CFAP95: variants seen among roughly 807,000 people sequenced by gnomAD.
The protein encoded by CFAP95 is cilia and flagella associated protein 95.
the CFAP95 span, among the ~76,000 whole-genome samples, chr9:69,836,649 T>C: frequency 6.6e-6 from 1 of 150,562 alleles, no homozygotes; most frequent in Non-Finnish European, 1.5e-5. Context: ...CAAATTCCTA[T>C]GAGGGTAAAG....
the CFAP95 span, among the ~76,000 whole-genome samples, chr9:69,904,393 A>T: frequency 1.3e-5 from 2 of 152,250 alleles, no homozygotes; most frequent in Non-Finnish European, 2.9e-5. Flanking sequence ...TTGACAAATA[A>T]TATTTTATTG....
the CFAP95 span, among the ~76,000 whole-genome samples, chr9:69,891,843 A>G: frequency 6.6e-6 from 1 of 152,160 alleles, no homozygotes; most frequent in African/African-American, 2.4e-5. Flanking sequence ...TGAAATTATT[A>G]CTAACATACC....
chr9:69,885,742 T>C, the CFAP95 span, among the ~76,000 whole-genome samples: 2 of 152,102 alleles, frequency 1.3e-5, no homozygotes, highest in African/African-American at 2.4e-5. Context: ...TCTTCAGCGG[T>C]CACCTGGCAA....
the CFAP95 span, among the ~76,000 whole-genome samples, chr9:69,897,946 T>C: frequency 6.6e-6 from 1 of 152,178 alleles, no homozygotes; most frequent in Admixed American, 6.5e-5. Flanking sequence ...AGAAGAATGC[T>C]TTCTTAACCA....
At chr9:69,871,057 A>G in the CFAP95 span, among the ~76,000 whole-genome samples, 1 of 152,022 alleles carries the variant, frequency 6.6e-6, no homozygotes, top group Non-Finnish European at 1.5e-5. Flanking sequence ...TGTCTTTACT[A>G]AAAATACAAA....
chr9:69,834,485 T>C, the CFAP95 span, among the ~76,000 whole-genome samples: 1 of 152,334 alleles, frequency 6.6e-6, no homozygotes, highest in East Asian at 1.9e-4. Flanking sequence ...TTTATACATG[T>C]CCCTTCAGCT....
the CFAP95 span, among the ~76,000 whole-genome samples, chr9:69,844,332 T>G: frequency 6.6e-6 from 1 of 152,218 alleles, no homozygotes; most frequent in African/African-American, 2.4e-5. Flanking sequence ...GCTAGGTTGC[T>G]TTTAGGAATT....
At chr9:69,888,522 A>G in the CFAP95 span, among the ~76,000 whole-genome samples, 1 of 152,214 alleles carries the variant, frequency 6.6e-6, no homozygotes, top group Non-Finnish European at 1.5e-5. Context: ...AATACTAAAC[A>G]ATATGAATTA....
the CFAP95 span, among the ~76,000 whole-genome samples, chr9:69,869,115 A>G: frequency 6.6e-6 from 1 of 152,216 alleles, no homozygotes; most frequent in South Asian, 2.1e-4. Flanking sequence ...AAATAGAACT[A>G]CAATATGATT....
chr9:69,884,671 A>G, the CFAP95 span: 2 of 137,780 alleles, frequency 1.5e-5, no homozygotes, highest in South Asian at 4.8e-4. Context: ...TTTTTTTTTT[A>G]AATACAGTTT....
chr9:69,824,444 G>T, the CFAP95 span, among the ~76,000 whole-genome samples: 3 of 152,030 alleles, frequency 2.0e-5, no homozygotes, highest in Non-Finnish European at 4.4e-5. Context: ...AAAAAAATTT[G>T]AGTTGCCCTA....
chr9:69,852,817 G>A, the CFAP95 span, among the ~76,000 whole-genome samples: 1 of 152,166 alleles, frequency 6.6e-6, no homozygotes, highest in Admixed American at 6.5e-5. Context: ...TGCTGTTCTT[G>A]TAATAGTGCA....
At chr9:69,827,752 C>T in the CFAP95 span, among the ~76,000 whole-genome samples, 146 of 152,278 alleles carry the variant, frequency 9.6e-4, no homozygotes, top group Non-Finnish European at 1.0e-3. Context: ...CGGTCCCACT[C>T]GGTCTCTTGC....
At chr9:69,836,629 A>T in the CFAP95 span, among the ~76,000 whole-genome samples, 1 of 151,860 alleles carries the variant, frequency 6.6e-6, no homozygotes, top group African/African-American at 2.4e-5. Context: ...AATAGAGAAT[A>T]AAAAGTATCC....
the CFAP95 span, among the ~76,000 whole-genome samples, chr9:69,896,774 A>G: frequency 6.6e-6 from 1 of 152,106 alleles, no homozygotes; most frequent in Non-Finnish European, 1.5e-5. Flanking sequence ...TGTCATCCCA[A>G]TGCTTTGGGA....
At chr9:69,857,278 T>G in the CFAP95 span, among the ~76,000 whole-genome samples, 2 of 152,200 alleles carry the variant, frequency 1.3e-5, no homozygotes, top group African/African-American at 2.4e-5. Flanking sequence ...TCTTTGAGGA[T>G]AGAAACTCTT....
chr9:69,885,337 A>G, the CFAP95 span, among the ~76,000 whole-genome samples: 1 of 152,166 alleles, frequency 6.6e-6, no homozygotes, highest in Non-Finnish European at 1.5e-5. Flanking sequence ...ATAAGAGAAT[A>G]ATTTTTCCCC....
the CFAP95 span, among the ~76,000 whole-genome samples, chr9:69,878,739 T>C: frequency 3.3e-5 from 5 of 152,220 alleles, no homozygotes; most frequent in South Asian, 4.1e-4. Flanking sequence ...GTATTTGTAT[T>C]GGGCTGTTCT....
chr9:69,838,213 G>A, the CFAP95 span, among the ~76,000 whole-genome samples: 5 of 152,060 alleles, frequency 3.3e-5, no homozygotes, highest in African/African-American at 4.8e-5. Context: ...TTGGCAATGC[G>A]GGCTCTTTTT....
Sources: allele counts gnomAD v4.1 joint callset (sites outside exome capture counted in the v4.1 genomes callset), GRCh38; gene constraint gnomAD v4.1.1; transcripts MANE v1.5; gene names NCBI Gene and HGNC (gene_info 2026-07-23, HGNC 2026-07-21).